HIP1: variants seen among roughly 807,000 people sequenced by gnomAD.
HIP1 encodes huntingtin-interacting protein 1.
A neutral mutation model predicts 147.6 loss-of-function variants in HIP1; 65 were observed. The ratio of observed to expected loss-of-function variants is 0.44; its 90% CI spans 0.36 to 0.54. HIP1 has a LOEUF of 0.54. Among genes scored for constraint, HIP1 ranks in the 20% least tolerant of loss-of-function variants. The pLI is 0.00. For missense variants in HIP1, 1,061 were observed against 1,299.6 expected (o/e 0.82, Z 2.82); for synonymous variants, 479 against 504.0 (o/e 0.95, Z 0.67).
intron 16 of HIP1, 143 bp downstream of exon 16, chr7:75,557,511 C>T (rs1554493637): frequency 5.6e-6 from 4 of 712,434 alleles, no homozygotes; most frequent in South Asian, 4.6e-5. Context: ...TTTTGCTGTT[C>T]TGTGTGGCCA....
intron 1 of HIP1, among the ~76,000 whole-genome samples, chr7:75,674,741 T>C (rs2117254360): frequency 6.6e-6 from 1 of 152,082 alleles, no homozygotes; most frequent in South Asian, 2.1e-4. Context: ...TCCACATGCC[T>C]CGGCCTCCCA....
In HIP1 at chr7:75,548,674, G is replaced by T. The variant is rs587773099; in HGVS notation, c.2406+217C>A. On this transcript the variant is annotated intron_variant, in intron 23 of 30. Coordinates refer to ENST00000336926, the MANE Select transcript of HIP1 (RefSeq NM_005338.7). ...TTATCTTTTGTAGAGATGGGGTCTT[G>T]CTATGATGTCCAGGCTGGTCTCAAA... 4.0e-5 allele frequency among the ~76,000 whole-genome samples: 6 copies of T among 151,122 alleles called. No individual in the cohort carries two copies. In the East Asian group the frequency reaches 1.2e-3, roughly 30 times the overall value.
chr7:75,666,617 T>C (rs1554514660), intron 1 of HIP1, among the ~76,000 whole-genome samples: 3 of 152,170 alleles, frequency 2.0e-5, no homozygotes. Context: ...CTGGGCATGG[T>C]GGACCCAAGG....
At chr7:75,590,459 AG>A (rs1196577151) in intron 4 of HIP1, among the ~76,000 whole-genome samples, 1 of 152,234 alleles carries the variant, frequency 6.6e-6, no homozygotes, top group African/African-American at 2.4e-5. Flanking sequence ...CCAATCCAAA[AG>A]AAGGCAAGGA....
In HIP1 at chr7:75,592,616, A is replaced by G. The variant is rs1796540077; in HGVS notation, c.185-102T>C. The G allele has an allele frequency of 8.2e-6, 10 of 1,219,804 alleles. No individual in the cohort carries two copies. In the South Asian group the frequency reaches 1.5e-4, roughly 18 times the overall value. 75.6% of individuals were successfully genotyped at this position (1,219,804 alleles called of 1,614,324 possible). ...CAGGGGACTGAGCCTGCACCCAGCC[A>G]TCACAGGGGATAGAGGCTGCACCCA... is the stretch of plus-strand genomic sequence containing the variant. On this transcript the variant is annotated intron_variant, in intron 2 of 30. Coordinates refer to ENST00000336926, the MANE Select transcript of HIP1 (RefSeq NM_005338.7).
intron 8 of HIP1, among the ~76,000 whole-genome samples, chr7:75,571,046 C>T (rs1373033944): frequency 6.6e-6 from 1 of 151,966 alleles, no homozygotes; most frequent in Non-Finnish European, 1.5e-5. Flanking sequence ...AATTAAAAAA[C>T]TATGTATTGT....
intron 1 of HIP1, among the ~76,000 whole-genome samples, chr7:75,702,578 T>C (rs915826297): frequency 8.5e-5 from 13 of 152,314 alleles, no homozygotes; most frequent in African/African-American, 2.6e-4. Context: ...GTGGTTTATT[T>C]GGCTTATGGC....
At chr7:75,730,627 C>A (rs1280033958) in intron 1 of HIP1, among the ~76,000 whole-genome samples, 3 of 151,818 alleles carry the variant, frequency 2.0e-5, no homozygotes, top group Admixed American at 2.0e-4. Context: ...GTGTGAGCCA[C>A]CGTGTCCAGC....
chr7:75,559,771 C>T lies in HIP1; in HGVS notation c.1336G>A (p.Asp446Asn), dbSNP rs1563202833. The T allele has an allele frequency of 7.0e-7, 1 of 1,418,564 alleles. No homozygotes were observed. The highest frequency in any genetic ancestry group is 1.9e-5 in the Admixed American group (1 of 53,352). 87.9% of individuals were successfully genotyped at this position (1,418,564 alleles called of 1,614,324 possible). Residue 446 changes from aspartate (D) to asparagine (N), a missense_variant, in exon 14 of 31, where the codon GAC (aspartate) becomes AAC (asparagine). By Grantham distance (23) the Asp-to-Asn change is conservative (BLOSUM62 1). Coordinates refer to ENST00000336926, the MANE Select transcript of HIP1 (RefSeq NM_005338.7). ...AGGCTCCGCTGAGCCTTCTCGGTGT[C>T]CTCCCGCTGCCTCCTGAGCTCGTCC... ...ELDELRRQRE[D>N]TEKAQRSLSE... is the part of the protein sequence containing the mutation.
chr7:75,627,075 C>A (rs1554508113), intron 1 of HIP1: 1 of 152,152 alleles, frequency 6.6e-6, no homozygotes, highest in African/African-American at 2.4e-5. Context: ...GTGCTGATGA[C>A]CTCAGCTATG....
chr7:75,619,580 A>G (rs1797776625), intron 1 of HIP1, among the ~76,000 whole-genome samples: 1 of 152,036 alleles, frequency 6.6e-6, no homozygotes, highest in Non-Finnish European at 1.5e-5. Flanking sequence ...AAGAATAAAG[A>G]TGGTGGAAAT....
chr7:75,565,527 T>TC (rs1795370247), intron 9 of HIP1, among the ~76,000 whole-genome samples: 2 of 152,192 alleles, frequency 1.3e-5, no homozygotes, highest in South Asian at 4.1e-4. Context: ...CACACACTTG[T>TC]CCTTCGCTTG....
chr7:75,715,399 T>G (rs1484274032), intron 1 of HIP1, among the ~76,000 whole-genome samples: 2 of 121,606 alleles, frequency 1.6e-5, no homozygotes, highest in African/African-American at 3.1e-5. Flanking sequence ...AAAAAAAGGG[T>G]GAAAAGAAGG....
intron 1 of HIP1, among the ~76,000 whole-genome samples, chr7:75,694,118 C>G (rs2056871891): frequency 6.6e-6 from 1 of 152,002 alleles, no homozygotes; most frequent in Admixed American, 6.6e-5. Context: ...CGGGATTTCA[C>G]CATGTTGGCC....
chr7:75,558,892 G>A (rs1265746678), intron 14 of HIP1, among the ~76,000 whole-genome samples: 2 of 152,148 alleles, frequency 1.3e-5, no homozygotes, highest in Non-Finnish European at 2.9e-5. Context: ...GGTGGTGTGT[G>A]CCTGTAATCC....
chr7:75,560,548 G>A (rs781953817), intron 13 of HIP1, among the ~76,000 whole-genome samples: 2 of 152,132 alleles, frequency 1.3e-5, no homozygotes, highest in East Asian at 1.9e-4. Context: ...CACTGTGCCC[G>A]GCAAACCAAT....
chr7:75,654,172 A>T (rs1554512334), intron 1 of HIP1, among the ~76,000 whole-genome samples: 1 of 152,178 alleles, frequency 6.6e-6, no homozygotes, highest in Non-Finnish European at 1.5e-5. Context: ...AGGCGGGCGG[A>T]TCACCTGAGG....
At chr7:75,585,597 C>G (rs1796236375) in intron 5 of HIP1, among the ~76,000 whole-genome samples, 1 of 151,894 alleles carries the variant, frequency 6.6e-6, no homozygotes, top group Non-Finnish European at 1.5e-5. Flanking sequence ...TCAGCCTCTC[C>G]CTCCTGCTTC....
At chr7:75,583,806 T>TGTGTGTGTGTG (rs1796150771) in intron 5 of HIP1, among the ~76,000 whole-genome samples, 2 of 80,166 alleles carry the variant, frequency 2.5e-5, no homozygotes, top group African/African-American at 5.1e-5. Flanking sequence ...GTGTGTGTGT[T>TGTGTGTGTGTG]TAGTAGAGAT....
Sources: allele counts gnomAD v4.1 joint callset (sites outside exome capture counted in the v4.1 genomes callset), GRCh38; gene constraint gnomAD v4.1.1; transcripts MANE v1.5; gene names NCBI Gene and HGNC (gene_info 2026-07-23, HGNC 2026-07-21).